MAGEB16: variants seen among roughly 807,000 people sequenced by gnomAD.
MAGEB16 encodes melanoma-associated antigen B16.
For synonymous variants in MAGEB16, 95 were observed against 92.1 expected (o/e 1.03, Z -0.18); for missense variants, 217 against 234.0 (o/e 0.93, Z 0.47).
chrX:35,802,739 C>T, exon 2 of MAGEB16: 1 of 1,211,264 alleles, frequency 8.3e-7, no homozygotes, highest in Non-Finnish European at 1.1e-6. Context: ...ATTGCTATGG[C>T]CTCTTCATCA....
intron 1 of MAGEB16, among the ~76,000 whole-genome samples, chrX:35,799,702 C>T (rs1440301284): frequency 9.0e-6 from 1 of 111,570 alleles, no homozygotes; most frequent in East Asian, 2.9e-4. Flanking sequence ...TCCACACACT[C>T]CTCTATGGTG....
chrX:35,800,704 T>C (rs920014419), intron 1 of MAGEB16: 4 of 463,762 alleles, frequency 8.6e-6, no homozygotes, highest in Non-Finnish European at 1.5e-5. Context: ...ACTTATTTCC[T>C]GTTCAGTGAA....
At chrX:35,799,556 G>A (rs891221513) in intron 1 of MAGEB16, among the ~76,000 whole-genome samples, 1 of 111,510 alleles carries the variant, frequency 9.0e-6, no homozygotes, top group African/African-American at 3.3e-5. Flanking sequence ...ATTACATCAG[G>A]CCAGCAGAAG....
chrX:35,799,394 C>T (rs993713366), intron 1 of MAGEB16, among the ~76,000 whole-genome samples: 1 of 111,240 alleles, frequency 9.0e-6, no homozygotes, highest in African/African-American at 3.3e-5. Context: ...ATGGGGACCC[C>T]GTGTGAGAAT....
At chrX:35,799,795 A>G (rs1233259559) in intron 1 of MAGEB16, among the ~76,000 whole-genome samples, 1 of 111,680 alleles carries the variant, frequency 9.0e-6, no homozygotes, top group Non-Finnish European at 1.9e-5. Context: ...TCTGGGCCAC[A>G]TATTCTGGAA....
At chrX:35,800,045 C>A (rs1198533527) in intron 1 of MAGEB16, among the ~76,000 whole-genome samples, 1 of 110,925 alleles carries the variant, frequency 9.0e-6, no homozygotes, top group Non-Finnish European at 1.9e-5. Flanking sequence ...CATAGGTGGC[C>A]CCACAGTCTC....
At chrX:35,803,116 C>A in exon 2 of MAGEB16, 1 of 1,205,031 alleles carries the variant, frequency 8.3e-7, no homozygotes, top group African/African-American at 1.7e-5. Flanking sequence ...TCTTTCCCAT[C>A]TCAGTATGCG....
exon 2 of MAGEB16, chrX:35,802,326 C>A: frequency 8.3e-7 from 1 of 1,210,318 alleles, no homozygotes; most frequent in South Asian, 1.8e-5. Context: ...CTCCTCCCAT[C>A]CTCTAGTGCC....
chrX:35,802,507 A>C (rs1934872791), exon 2 of MAGEB16: 5 of 1,208,844 alleles, frequency 4.1e-6, no homozygotes, highest in Non-Finnish European at 5.6e-6. Flanking sequence ...GATACATCAG[A>C]CCCCAGGAAT....
At chrX:35,801,651 G>GGAC (rs775923895) in intron 1 of MAGEB16, among the ~76,000 whole-genome samples, 2 of 112,277 alleles carry the variant, frequency 1.8e-5, no homozygotes, top group Non-Finnish European at 3.8e-5. Context: ...ATAACTGAGG[G>GGAC]GACTACCCAT....
chrX:35,802,301 G>A (rs1934869302), exon 2 of MAGEB16: 3 of 1,210,978 alleles, frequency 2.5e-6, no homozygotes, highest in East Asian at 5.9e-5. Context: ...AGGCTCTGGA[G>A]AAGACCCTCC....
At chrX:35,799,029 C>T (rs946149809) in intron 1 of MAGEB16, among the ~76,000 whole-genome samples, 6 of 105,026 alleles carry the variant, frequency 5.7e-5, no homozygotes, top group African/African-American at 1.9e-4. Flanking sequence ...CGCCACCATG[C>T]GCGGCTAATT....
intron 1 of MAGEB16, chrX:35,801,338 G>C (rs1463798569): frequency 8.9e-6 from 1 of 111,768 alleles, no homozygotes; most frequent in Non-Finnish European, 1.9e-5. Flanking sequence ...AGGAGGATGA[G>C]GTATTCTTGA....
chrX:35,801,613 C>A (rs1455165489), intron 1 of MAGEB16, among the ~76,000 whole-genome samples: 1 of 112,223 alleles, frequency 8.9e-6, no homozygotes, highest in Admixed American at 9.4e-5. Context: ...CCAGGACCAG[C>A]CTGGATTCAA....
At chrX:35,800,604 A>C (rs755475677) in intron 1 of MAGEB16, 5 of 523,015 alleles carry the variant, frequency 9.6e-6, no homozygotes, top group African/African-American at 4.6e-5. Context: ...GGAACCACCC[A>C]TCCCAGATAA....
chrX:35,800,846 T>C (rs1264180465), intron 1 of MAGEB16, among the ~76,000 whole-genome samples: 2 of 111,692 alleles, frequency 1.8e-5, no homozygotes, highest in Non-Finnish European at 3.8e-5. Context: ...CACAGAGCCC[T>C]GTCCTGCTTA....
At chrX:35,801,199 A>G (rs1310966134) in intron 1 of MAGEB16, 1 of 112,670 alleles carries the variant, frequency 8.9e-6, no homozygotes, top group African/African-American at 3.2e-5. Context: ...TAAGGTCCAC[A>G]GAGGAAAAAG....
At chrX:35,801,137 C>G (rs1934859082) in intron 1 of MAGEB16, among the ~76,000 whole-genome samples, 2 of 111,558 alleles carry the variant, frequency 1.8e-5, no homozygotes, top group African/African-American at 3.3e-5. Context: ...CATATCAGAT[C>G]AGTAGACAAG....
chrX:35,800,364 T>C (rs1225758926), intron 1 of MAGEB16, among the ~76,000 whole-genome samples: 4 of 111,046 alleles, frequency 3.6e-5, no homozygotes, highest in African/African-American at 1.3e-4. Flanking sequence ...GAAGTGAGTG[T>C]CATGGTCTGA....
Sources: gnomAD v4.1 joint callset for allele counts (sites outside exome capture counted in the v4.1 genomes callset) on GRCh38, gnomAD v4.1.1 for gene constraint, MANE v1.5 for transcripts, NCBI Gene and HGNC (gene_info 2026-07-23, HGNC 2026-07-21) for gene names.